The following TDRP variants were observed in gnomAD, a reference collection of about 807,000 sequenced individuals.
TDRP encodes testis development related protein.
TDRP carries 12 observed loss-of-function variants against 10.5 expected under a neutral mutation model. The ratio of observed to expected loss-of-function variants is 1.15; its 90% confidence interval spans 0.73 to 1.86. The LOEUF (loss-of-function observed/expected upper bound fraction) is 1.86. Among genes scored for constraint, TDRP ranks in the 40% most tolerant of loss-of-function variants. The pLI is 0.00. For synonymous variants in TDRP, 139 were observed against 95.4 expected, an observed-to-expected ratio of 1.46 and a Z score of -2.67; for missense variants, 353 against 229.2, an observed-to-expected ratio of 1.54 and a Z score of -3.49.
intron 1 of TDRP, among the ~76,000 whole-genome samples, chr8:496,887 T>C (rs1563116127): frequency 6.6e-6 from 1 of 152,200 alleles, no homozygotes; most frequent in Non-Finnish European, 1.5e-5. Flanking sequence ...CTCTCTATCC[T>C]GCCGCCATGT....
At chr8:520,003 GGAAA>G (rs1801857444) in intron 1 of TDRP, among the ~76,000 whole-genome samples, 1 of 152,330 alleles carries the variant, frequency 6.6e-6, no homozygotes, top group Admixed American at 6.5e-5. Context: ...GCACAGAATG[GGAAA>G]GAAAGGGAAT....
intron 1 of TDRP, among the ~76,000 whole-genome samples, chr8:525,490 A>C (rs547938599): frequency 6.6e-6 from 1 of 152,218 alleles, no homozygotes; most frequent in Non-Finnish European, 1.5e-5. Context: ...CCAATTAAAA[A>C]TAACTTCTTA....
intron 1 of TDRP, among the ~76,000 whole-genome samples, chr8:512,275 A>AC (rs928496652): frequency 0.015 from 2,066 of 137,922 alleles, 48 homozygotes; most frequent in African/African-American, 0.054. Context: ...AACAACAACA[A>AC]AAAAAAAAAT....
intron 1 of TDRP, among the ~76,000 whole-genome samples, chr8:537,479 G>A (rs111881552): frequency 6.6e-6 from 1 of 152,126 alleles, no homozygotes; most frequent in Non-Finnish European, 1.5e-5. Context: ...TCTTCTTTTA[G>A]TGTGTCTGTT....
rs114343234 is a variant in TDRP at position 528,301 on chromosome 8, C to T, written c.108+16349G>A. Reference sequence around the variant, plus strand: ...GTGGAGAAAAGGAAACCGTTGTACACTATTGGTGGGAATGTAAAATAGTAC... The same window carrying T: ...GTGGAGAAAAGGAAACCGTTGTACATTATTGGTGGGAATGTAAAATAGTAC... On this transcript the variant is annotated intron_variant, in intron 1 of 2. Coordinates refer to ENST00000324079, the MANE Select transcript of TDRP (RefSeq NM_001384899.1). Among the ~76,000 whole-genome samples the T allele has an allele frequency of 4.1e-3, 625 of 152,276 alleles. 7 individuals carry two copies. Among genetic ancestry groups the T allele is most frequent in the African/African-American group, 0.014 (593 of 41,548 alleles).
At chr8:504,765 C>A (rs1229112041) in intron 1 of TDRP, among the ~76,000 whole-genome samples, 1 of 152,192 alleles carries the variant, frequency 6.6e-6, no homozygotes, top group Non-Finnish European at 1.5e-5. Context: ...TAAGTTTGAA[C>A]ACACCAGAAA....
At chr8:504,796 C>G (rs968032706) in intron 1 of TDRP, among the ~76,000 whole-genome samples, 1 of 152,126 alleles carries the variant, frequency 6.6e-6, no homozygotes, top group Non-Finnish European at 1.5e-5. Context: ...AAACAGTCAT[C>G]GAGACAAATG....
At chr8:501,243 C>A (rs558818214) in intron 1 of TDRP, among the ~76,000 whole-genome samples, 193 of 152,198 alleles carry the variant, frequency 1.3e-3, no homozygotes, top group African/African-American at 4.5e-3. Flanking sequence ...GAGCGTAATG[C>A]TCGGGTCAGC....
intron 1 of TDRP, among the ~76,000 whole-genome samples, chr8:539,421 G>C (rs1802433244): frequency 6.6e-6 from 1 of 152,142 alleles, no homozygotes; most frequent in South Asian, 2.1e-4. Context: ...TGTTGTTGAA[G>C]CTGCCCAGTT....
chr8:533,798 G>T (rs1270188974), intron 1 of TDRP, among the ~76,000 whole-genome samples: 2 of 152,100 alleles, frequency 1.3e-5, no homozygotes, highest in Admixed American at 6.5e-5. Flanking sequence ...AAAGTATAGG[G>T]TAGGCAGATG....
At chr8:545,021 C>T (rs1321301653), upstream of TDRP, 4 of 289,324 alleles carry the variant, frequency 1.4e-5, no homozygotes, top group African/African-American at 2.2e-5. Context: ...CCAGGCCCGC[C>T]CCAAACCCTT....
intron 1 of TDRP, among the ~76,000 whole-genome samples, chr8:521,264 A>G (rs1471626843): frequency 6.7e-6 from 1 of 149,364 alleles, no homozygotes; most frequent in Non-Finnish European, 1.5e-5. Context: ...AAAAAAAAAA[A>G]AAAATAGGCA....
rs564102784 is a variant in TDRP, at chr8:505,446, G to C, written c.109-10849C>G. On this transcript the variant is annotated intron_variant, in intron 1 of 2. Transcript: ENST00000324079. ...TTTCTCTTCTGTTTTTATAAAACTA[G>C]AACAAGCAATCCCAATGAAGAAACA... Among the ~76,000 whole-genome samples the C allele has an allele frequency of 2.6e-3, 402 of 152,302 alleles. 3 individuals carry two copies. The highest frequency in any genetic ancestry group is 6.8e-3 in the Middle Eastern group (2 of 294).
At chr8:512,148 G>A (rs898258296) in intron 1 of TDRP, among the ~76,000 whole-genome samples, 41 of 151,932 alleles carry the variant, frequency 2.7e-4, no homozygotes, top group African/African-American at 4.4e-4. Context: ...AATTGGGGCC[G>A]GATGCAGTGG....
At chr8:539,806 C>A (rs529964269) in intron 1 of TDRP, among the ~76,000 whole-genome samples, 2 of 152,278 alleles carry the variant, frequency 1.3e-5, no homozygotes, top group East Asian at 3.9e-4. Context: ...CGTCACAGAG[C>A]CTCACAGTGT....
chr8:524,105 G>T (rs1157663232), intron 1 of TDRP, among the ~76,000 whole-genome samples: 1 of 152,212 alleles, frequency 6.6e-6, no homozygotes, highest in Non-Finnish European at 1.5e-5. Context: ...AGCACAGACA[G>T]ACTCCATTTG....
chr8:495,996 T>A (rs1249987312), intron 1 of TDRP, among the ~76,000 whole-genome samples: 5 of 152,200 alleles, frequency 3.3e-5, no homozygotes, highest in Admixed American at 3.3e-4. Context: ...CAGTTGTGAC[T>A]GGAGAGGCGT....
At chr8:535,798 GTGTAGGGGTGGGCC>G (rs1802333404) in intron 1 of TDRP, among the ~76,000 whole-genome samples, 1 of 139,916 alleles carries the variant, frequency 7.1e-6, no homozygotes, top group African/African-American at 2.9e-5. Context: ...GCAGGTCTCA[GTGTAGGGGTGGGCC>G]CACCCGAGGC....
Position 491,204 on chromosome 8 carries a change from C to G in TDRP, c.*1195G>C, listed in dbSNP as rs1050821991. On this transcript the variant is annotated 3_prime_UTR_variant, in exon 3 of 3. Transcript: ENST00000324079. ...CAGCACAGGAGTGCATGCCGAGCAA[C>G]TCAGGAAAGGGTTTTTGTCTTGTTT... 2 of 157,018 alleles carry G rather than the reference C, an allele frequency of 1.3e-5. No homozygotes were observed. The highest frequency in any genetic ancestry group is 4.8e-5 in the African/African-American group (2 of 41,816). The allele number at this position is 157,018 out of a possible 1,614,324, so 9.7% of individuals were successfully genotyped here. A position where few individuals can be genotyped will look rare whatever the true frequency, so the allele number is the denominator to read the frequency against.
Sources: gnomAD v4.1 joint callset for allele counts (sites outside exome capture counted in the v4.1 genomes callset) on GRCh38, gnomAD v4.1.1 for gene constraint, MANE v1.5 for transcripts, NCBI Gene and HGNC (gene_info 2026-07-23, HGNC 2026-07-21) for gene names.